Variants in NUP210L observed in about 807,000 individuals in gnomAD.
NUP210L encodes the protein nuclear pore membrane glycoprotein 210-like.
A neutral mutation model predicts 208.5 loss-of-function variants in NUP210L; 74 were observed. The observed-to-expected ratio is 0.35, with a 90% CI of 0.29 to 0.43. The LOEUF (loss-of-function observed/expected upper bound fraction) is 0.43, where lower values mean the gene tolerates loss of function less well. Among genes scored for constraint, NUP210L ranks in the 20% least tolerant of loss-of-function variants. NUP210L has a pLI of 1.00. For synonymous variants in NUP210L, 780 were observed against 816.9 expected, an observed-to-expected ratio of 0.95 and a Z score of 0.77; for missense variants, 1,843 against 2,289.4, an observed-to-expected ratio of 0.81 and a Z score of 3.98.
chr1:154,046,129 G>C, exon 27 of NUP210L: 1 of 1,614,106 alleles, frequency 6.2e-7, no homozygotes, highest in Non-Finnish European at 8.5e-7. Flanking sequence ...AGTGGAATGT[G>C]AGCCCAGGAT....
chr1:154,106,628 AC>A (rs1402744001), intron 12 of NUP210L, among the ~76,000 whole-genome samples: 2 of 152,170 alleles, frequency 1.3e-5, no homozygotes, highest in Non-Finnish European at 2.9e-5. Flanking sequence ...GGCTTGTGTA[AC>A]CCCACCCCCA....
rs529762171 is a variant in NUP210L, at chr1:153,995,646, G to C, written c.5387-466C>G. 4.6e-6 allele frequency: 6 copies of C among 1,315,988 alleles called. No homozygotes were observed. The South Asian group carries it at 7.0e-5, about 15-fold the overall frequency. The allele number at this position is 1,315,988 out of a possible 1,614,324, so 81.5% of individuals were successfully genotyped here. A position where few individuals can be genotyped will look rare whatever the true frequency, so the allele number is the denominator to read the frequency against. ...AGGCACTCAGAATGGTCCAGCGTTT[G>C]ACATACCAACGTAGGCTTTCCTACA... On this transcript the variant is annotated intron_variant, in intron 37 of 39. Transcript: ENST00000368559.
chr1:154,010,251 G>T, intron 34 of NUP210L, 130 bp from the exon 35 acceptor site: 1 of 726,538 alleles, frequency 1.4e-6, no homozygotes, highest in Non-Finnish European at 2.2e-6. Context: ...TGGCTGGTTT[G>T]CCCACCTCTG....
chr1:154,149,502 G>C (rs1244864061), intron 2 of NUP210L, among the ~76,000 whole-genome samples: 1 of 152,160 alleles, frequency 6.6e-6, no homozygotes, highest in Non-Finnish European at 1.5e-5. Flanking sequence ...CTTGAGCCCA[G>C]GAGTTCAAGA....
At chr1:154,112,192 G>T (rs1386719035) in intron 12 of NUP210L, among the ~76,000 whole-genome samples, 1 of 152,126 alleles carries the variant, frequency 6.6e-6, no homozygotes, top group African/African-American at 2.4e-5. Flanking sequence ...CTCTCAAAGT[G>T]CTAGGATTAC....
At chr1:154,145,018 G>A (rs1043338303) in intron 2 of NUP210L, among the ~76,000 whole-genome samples, 1 of 152,028 alleles carries the variant, frequency 6.6e-6, no homozygotes, top group Admixed American at 6.6e-5. Flanking sequence ...TGAGGCAAAC[G>A]AATTGCTTGA....
At chr1:154,001,905 A>G in exon 36 of NUP210L, 8 of 1,614,142 alleles carry the variant, frequency 5.0e-6, no homozygotes, top group Non-Finnish European at 5.9e-6. Flanking sequence ...GCCCACCCAT[A>G]GACTGAGGTG....
chr1:154,037,210 T>C (rs990966362), intron 27 of NUP210L, among the ~76,000 whole-genome samples: 2 of 152,208 alleles, frequency 1.3e-5, no homozygotes, highest in Non-Finnish European at 2.9e-5. Flanking sequence ...ATTTGGTCTA[T>C]AGTGCAGAGT....
intron 7 of NUP210L, among the ~76,000 whole-genome samples, chr1:154,132,180 C>T (rs1192935396): frequency 2.0e-5 from 3 of 152,306 alleles, no homozygotes; most frequent in East Asian, 3.9e-4. Flanking sequence ...CCCATACGAA[C>T]CTTAAAAGCT....
At chr1:154,055,530 C>T (rs1046087696) in intron 23 of NUP210L, among the ~76,000 whole-genome samples, 3 of 152,050 alleles carry the variant, frequency 2.0e-5, no homozygotes, top group African/African-American at 7.2e-5. Flanking sequence ...GGATTACAGG[C>T]GTGAGCTACC....
chr1:154,025,824 G>T, intron 29 of NUP210L, 108 bp from the exon 30 acceptor site: 1 of 859,540 alleles, frequency 1.2e-6, no homozygotes, highest in Non-Finnish European at 1.8e-6. Flanking sequence ...CGAGAAAACT[G>T]CTTGCCATTC....
At chr1:154,126,419 C>T (rs1657984598) in exon 10 of NUP210L, 2 of 1,613,410 alleles carry the variant, frequency 1.2e-6, no homozygotes, top group Non-Finnish European at 1.7e-6. Flanking sequence ...TAGTTAGTTG[C>T]TCTTCAAAGT....
In NUP210L at chr1:154,145,413, G is replaced by A. The variant is rs145653100; in HGVS notation, c.341-1836C>T. ...AGCCTGGGTGACAGAGCGAGATTCC[G>A]TCTACAAAAAAAAAAATTAAACATT... On this transcript the variant is annotated intron_variant, in intron 2 of 39. Transcript: ENST00000368559. 7.5e-3 allele frequency among the ~76,000 whole-genome samples: 1,141 copies of A among 151,158 alleles called. 13 individuals are homozygous for A. The highest frequency in any genetic ancestry group is 0.027 in the African/African-American group (1,099 of 41,120).
intron 37 of NUP210L, among the ~76,000 whole-genome samples, chr1:154,000,609 T>A (rs970142254): frequency 2.6e-5 from 4 of 152,220 alleles, no homozygotes; most frequent in African/African-American, 9.6e-5. Context: ...GTATACGGTG[T>A]GAACATGCTG....
chr1:154,134,260 A>C (rs939958749), intron 7 of NUP210L, among the ~76,000 whole-genome samples: 1 of 151,920 alleles, frequency 6.6e-6, no homozygotes, highest in African/African-American at 2.4e-5. Flanking sequence ...TATAGTAGAA[A>C]TATAATAGAT....
intron 17 of NUP210L, among the ~76,000 whole-genome samples, chr1:154,062,884 T>G (rs1654215887): frequency 1.3e-5 from 2 of 152,126 alleles, no homozygotes; most frequent in South Asian, 4.1e-4. Context: ...ATGGCCTTTT[T>G]TTCTTTTTTT....
At chr1:154,058,510 T>A (rs1031580572) in intron 21 of NUP210L, 55 bp downstream of exon 21, 3 of 1,580,462 alleles carry the variant, frequency 1.9e-6, no homozygotes, top group Non-Finnish European at 2.6e-6. Context: ...TAAGGAATGC[T>A]GGGTAGTGAG....
chr1:154,090,783 C>A (rs1442986353), intron 15 of NUP210L, among the ~76,000 whole-genome samples: 4 of 151,422 alleles, frequency 2.6e-5, no homozygotes, highest in Admixed American at 1.3e-4. Context: ...TGCACTCCAG[C>A]CTGGGTGACA....
intron 12 of NUP210L, among the ~76,000 whole-genome samples, chr1:154,111,966 T>C (rs1657060938): frequency 6.6e-6 from 1 of 151,516 alleles, no homozygotes; most frequent in Admixed American, 6.6e-5. Flanking sequence ...CTCACTCTGT[T>C]GCCCAGGCTG....
Sources: allele counts gnomAD v4.1 joint callset (sites outside exome capture counted in the v4.1 genomes callset), GRCh38; gene constraint gnomAD v4.1.1; transcripts MANE v1.5; gene names NCBI Gene and HGNC (gene_info 2026-07-23, HGNC 2026-07-21).